ZNF804B: variants seen among roughly 807,000 people sequenced by gnomAD.
ZNF804B encodes zinc finger protein 804B, also known as zinc finger 804B.
ZNF804B carries 80 observed loss-of-function variants against 101.4 expected under a neutral mutation model. The observed-to-expected ratio is 0.79, with a 90% CI of 0.66 to 0.95. ZNF804B has a LOEUF of 0.95. Among genes scored for constraint, ZNF804B ranks in the 40% least tolerant of loss-of-function variants. ZNF804B has a pLI of 0.00. For synonymous variants in ZNF804B, 622 were observed against 558.8 expected (o/e 1.11, Z -1.59); for missense variants, 1,673 against 1,561.9 (o/e 1.07, Z -1.20).
intron 1 of ZNF804B, among the ~76,000 whole-genome samples, chr7:89,041,615 C>T (rs546170439): frequency 2.0e-5 from 3 of 152,294 alleles, no homozygotes; most frequent in Admixed American, 6.5e-5. Context: ...TTGCCTAACA[C>T]TGGGACACTG....
At chr7:89,269,896 C>G (rs1252418073) in intron 2 of ZNF804B, among the ~76,000 whole-genome samples, 1 of 152,232 alleles carries the variant, frequency 6.6e-6, no homozygotes, top group East Asian at 1.9e-4. Flanking sequence ...CCTTTGCCCA[C>G]TTTTTGATGG....
At chr7:89,152,392 A>G (rs1356018743) in intron 1 of ZNF804B, among the ~76,000 whole-genome samples, 1 of 152,000 alleles carries the variant, frequency 6.6e-6, no homozygotes, top group Non-Finnish European at 1.5e-5. Context: ...TTAAGGAAAC[A>G]GTTGTCAGAA....
chr7:89,147,728 A>G (rs1433690558), intron 1 of ZNF804B, among the ~76,000 whole-genome samples: 1 of 151,900 alleles, frequency 6.6e-6, no homozygotes, highest in African/African-American at 2.4e-5. Context: ...CAGCAGAATT[A>G]GATTCTCATA....
chr7:88,916,702 A>G (rs917318015), intron 1 of ZNF804B, among the ~76,000 whole-genome samples: 3 of 152,174 alleles, frequency 2.0e-5, no homozygotes, highest in African/African-American at 7.2e-5. Flanking sequence ...TGGCATTGAA[A>G]TATTGTACAG....
intron 2 of ZNF804B, among the ~76,000 whole-genome samples, chr7:89,286,803 G>A (rs1328630271): frequency 1.3e-5 from 2 of 152,110 alleles, no homozygotes; most frequent in Non-Finnish European, 2.9e-5. Context: ...TAAAGAAAAT[G>A]GCAGAAATAT....
chr7:88,984,653 A>G (rs1356608228), intron 1 of ZNF804B, among the ~76,000 whole-genome samples: 2 of 152,202 alleles, frequency 1.3e-5, no homozygotes, highest in South Asian at 2.1e-4. Context: ...AAATTCTTGA[A>G]TTCTACATTC....
intron 1 of ZNF804B, among the ~76,000 whole-genome samples, chr7:89,181,355 A>G (rs1477408495): frequency 2.6e-5 from 4 of 152,184 alleles, no homozygotes; most frequent in Admixed American, 2.6e-4. Context: ...GGGGCTAGCC[A>G]TAACTTATGT....
At chr7:88,903,193 T>C (rs1282805088) in intron 1 of ZNF804B, among the ~76,000 whole-genome samples, 1 of 151,848 alleles carries the variant, frequency 6.6e-6, no homozygotes, top group Non-Finnish European at 1.5e-5. Flanking sequence ...TGAGAAAATG[T>C]GGTAGTTGCT....
intron 1 of ZNF804B, among the ~76,000 whole-genome samples, chr7:89,058,958 T>G: frequency 9.3e-3 from 1 of 108 alleles, no homozygotes; most frequent in African/African-American, 0.042. Context: ...CCTCCTAAAG[T>G]GCTAGGATTT....
At chr7:88,990,946 A>C (rs144381823) in intron 1 of ZNF804B, among the ~76,000 whole-genome samples, 11 of 152,202 alleles carry the variant, frequency 7.2e-5, no homozygotes, top group African/African-American at 2.6e-4. Context: ...TTCTTTGGTC[A>C]TAGGTAGGAA....
At chr7:88,847,804 A>G (rs1276265263) in intron 1 of ZNF804B, among the ~76,000 whole-genome samples, 3 of 152,102 alleles carry the variant, frequency 2.0e-5, no homozygotes, top group African/African-American at 4.8e-5. Flanking sequence ...CACCTAAACT[A>G]TTGCAGTTGT....
chr7:89,182,761 CTGATT>C (rs1265071825), intron 1 of ZNF804B, among the ~76,000 whole-genome samples: 2 of 152,136 alleles, frequency 1.3e-5, no homozygotes, highest in African/African-American at 2.4e-5. Flanking sequence ...TTCATATACT[CTGATT>C]TGAGCGCCAA....
At chr7:88,858,709 GATA>G (rs988736546) in intron 1 of ZNF804B, among the ~76,000 whole-genome samples, 10 of 152,060 alleles carry the variant, frequency 6.6e-5, no homozygotes, top group Non-Finnish European at 1.0e-4. Flanking sequence ...GTAATATTGA[GATA>G]ATAATAATAT....
intron 2 of ZNF804B, among the ~76,000 whole-genome samples, chr7:89,322,960 A>G (rs1790841929): frequency 6.6e-6 from 1 of 152,194 alleles, no homozygotes; most frequent in African/African-American, 2.4e-5. Context: ...TATAGACCAT[A>G]AGTTTATGTT....
At chr7:89,151,074 A>G (rs1371857691) in intron 1 of ZNF804B, among the ~76,000 whole-genome samples, 1 of 152,124 alleles carries the variant, frequency 6.6e-6, no homozygotes, top group African/African-American at 2.4e-5. Flanking sequence ...TGCTTTAGAA[A>G]GGAAAGAAAG....
intron 2 of ZNF804B, among the ~76,000 whole-genome samples, chr7:89,320,285 A>G (rs1790799400): frequency 6.6e-6 from 1 of 152,156 alleles, no homozygotes; most frequent in African/African-American, 2.4e-5. Context: ...TTTAGTGGAA[A>G]AAGTAATGAT....
At chr7:88,814,576 A>C (rs1193498008) in intron 1 of ZNF804B, among the ~76,000 whole-genome samples, 1 of 152,088 alleles carries the variant, frequency 6.6e-6, no homozygotes, top group Admixed American at 6.6e-5. Context: ...TAGTTCATTG[A>C]AAAGACCATG....
At chr7:88,869,927 A>G (rs1348716250) in intron 1 of ZNF804B, among the ~76,000 whole-genome samples, 1 of 152,220 alleles carries the variant, frequency 6.6e-6, no homozygotes, top group African/African-American at 2.4e-5. Flanking sequence ...CTGCAGATAA[A>G]TTAGTAAAAC....
chr7:88,829,825 G>T (rs1239593962), intron 1 of ZNF804B, among the ~76,000 whole-genome samples: 1 of 152,060 alleles, frequency 6.6e-6, no homozygotes, highest in African/African-American at 2.4e-5. Flanking sequence ...ATCATAAATT[G>T]TGCTATAATA....
Sources: gnomAD v4.1 joint callset for allele counts (sites outside exome capture counted in the v4.1 genomes callset) on GRCh38, gnomAD v4.1.1 for gene constraint, MANE v1.5 for transcripts, NCBI Gene and HGNC (gene_info 2026-07-23, HGNC 2026-07-21) for gene names.